Variants in F13A1 observed in about 807,000 individuals in gnomAD.
The protein encoded by F13A1 is FSF, A subunit.
A neutral mutation model predicts 80.1 loss-of-function variants in F13A1; 47 were observed. The ratio of observed to expected loss-of-function variants is 0.59; its 90% confidence interval spans 0.46 to 0.75. The LOEUF (loss-of-function observed/expected upper bound fraction) is 0.75, where lower values mean the gene tolerates loss of function less well. F13A1 is among the 30% of genes least tolerant of loss of function. F13A1 has a pLI of 0.00. For synonymous variants in F13A1, 349 were observed against 344.9 expected, an observed-to-expected ratio of 1.01 and a Z score of -0.13; for missense variants, 817 against 930.4, an observed-to-expected ratio of 0.88 and a Z score of 1.59.
Position 6,277,689 on chromosome 6 carries a change from C to T in F13A1, c.320-10880G>A, listed in dbSNP as rs1023045047. The stretch of plus-strand genomic sequence containing the variant: ...CTATCAACCATGGACTGGTTCTGGA[C>T]GATTTACCGAAGCTGCACACTACAA... On this transcript the variant is annotated intron_variant, in intron 3 of 14. Transcript: ENST00000264870. Among the ~76,000 whole-genome samples, 6 of 152,172 alleles carry T rather than the reference C, an allele frequency of 3.9e-5. No individual in the cohort carries two copies. The East Asian group carries it at 7.7e-4, about 20-fold the overall frequency.
intron 4 of F13A1, 99 bp from the exon 5 acceptor site, chr6:6,251,028 A>T: frequency 1.1e-6 from 1 of 946,524 alleles, no homozygotes; most frequent in Non-Finnish European, 1.7e-6. Context: ...ACTACATTTA[A>T]TCAGCCAAAT....
intron 3 of F13A1, among the ~76,000 whole-genome samples, chr6:6,302,362 C>T (rs1482800883): frequency 6.6e-6 from 1 of 152,078 alleles, no homozygotes; most frequent in African/African-American, 2.4e-5. Context: ...ATGGTACAGC[C>T]CACTACACAC....
chr6:6,193,355 G>A (rs1271172243), intron 10 of F13A1, among the ~76,000 whole-genome samples: 4 of 152,172 alleles, frequency 2.6e-5, no homozygotes, highest in African/African-American at 4.8e-5. Flanking sequence ...CAGCATGCTG[G>A]GAGGGAAGAG....
rs1229362760 is a variant in F13A1 at position 6,297,169 on chromosome 6, T to C, written c.319+8182A>G. On this transcript the variant is annotated intron_variant, in intron 3 of 14. Transcript: ENST00000264870. ...TTTGCCAGTATTTTACTGAGGATTT[T>C]TGCATCAATGTTCATCAAAGATATT... 3.3e-5 allele frequency among the ~76,000 whole-genome samples: 5 copies of C among 151,308 alleles called. 1 individual carries two copies. Among genetic ancestry groups the C allele is most frequent in the African/African-American group, 1.2e-4 (5 of 40,594 alleles).
rs781605523 is a variant in F13A1 at position 6,222,080 on chromosome 6, C to A, written c.1065G>T (p.Leu355=). ...NDANLQMDIF[L]EEDGNVNSKL... is the part of the protein sequence containing the mutation. ...TGGAATTCACGTTCCCATCTTCTTC[C>A]AGGAAGATGTCCATTTGCAAATTGG... Residue 355 remains leucine, a synonymous_variant, in exon 8 of 15, where the codon CTG becomes CTT. Transcript: ENST00000264870. 6.2e-7 allele frequency: 1 copy of A among 1,613,990 alleles called. No individual in the cohort carries two copies. The highest frequency in any genetic ancestry group is 1.7e-5 in the Admixed American group (1 of 60,010).
chr6:6,186,415 G>C (rs1006997058), intron 10 of F13A1, among the ~76,000 whole-genome samples: 6 of 152,282 alleles, frequency 3.9e-5, no homozygotes, highest in African/African-American at 1.4e-4. Flanking sequence ...TGTAAGGAAG[G>C]GATCCAGTTT....
Position 6,316,078 on chromosome 6 carries a change from CATATATATATATATATAT to C in F13A1, c.130+2439_130+2456del, listed in dbSNP as rs57716665. Among the ~76,000 whole-genome samples the C allele has an allele frequency of 8.7e-3, 302 of 34,904 alleles. 3 individuals are homozygous for C. The highest frequency in any genetic ancestry group is 9.7e-3 in the Non-Finnish European group (139 of 14,302). 22.9% of individuals were successfully genotyped at this position (34,904 alleles called of 152,430 possible). A position where few individuals can be genotyped will look rare whatever the true frequency, so the allele number is the denominator to read the frequency against. On this transcript the variant is annotated intron_variant, in intron 2 of 14. Transcript: ENST00000264870. ...GTTTGTGTGCTGCTATGTGTGTGTG[CATATATATATATATATAT>C]ATATATATATATATATATATATATA...
chr6:6,151,992 G>T (rs770699327), intron 13 of F13A1, 43 bp from the exon 14 acceptor site: 1 of 1,610,818 alleles, frequency 6.2e-7, no homozygotes, highest in Non-Finnish European at 8.5e-7. Context: ...ATAAAACCTC[G>T]TTCTGCTCTC....
intron 2 of F13A1, among the ~76,000 whole-genome samples, chr6:6,318,033 T>C (rs1320774387): frequency 1.3e-5 from 2 of 152,030 alleles, no homozygotes; most frequent in African/African-American, 4.8e-5. Context: ...TGGAGAGAAA[T>C]AGAGGGCTTC....
intron 10 of F13A1, among the ~76,000 whole-genome samples, chr6:6,186,995 G>A (rs1259617): frequency 8.8e-6 from 1 of 114,016 alleles, no homozygotes; most frequent in African/African-American, 3.6e-5. Context: ...AATTGTGAAT[G>A]GGAGTTCACT....
intron 5 of F13A1, among the ~76,000 whole-genome samples, chr6:6,249,043 T>C (rs3024391): frequency 0.72 from 109,327 of 152,130 alleles, 40,359 homozygotes; most frequent in African/African-American, 0.9. Context: ...AGTTCAGTCT[T>C]CTTAGAAAGA....
At chr6:6,313,363 C>T (rs1296971022) in intron 2 of F13A1, among the ~76,000 whole-genome samples, 2 of 150,566 alleles carry the variant, frequency 1.3e-5, no homozygotes, top group African/African-American at 2.5e-5. Context: ...AAACTGTCTA[C>T]CTAACACAAT....
intron 12 of F13A1, among the ~76,000 whole-genome samples, chr6:6,170,485 G>A (rs929558449): frequency 2.0e-5 from 3 of 152,206 alleles, no homozygotes; most frequent in Non-Finnish European, 2.9e-5. Context: ...TTTATTAAAC[G>A]TGGCAGGAGA....
intron 11 of F13A1, among the ~76,000 whole-genome samples, chr6:6,175,223 G>A (rs1760861361): frequency 6.6e-6 from 1 of 152,166 alleles, no homozygotes; most frequent in Non-Finnish European, 1.5e-5. Context: ...CCAGCCATGT[G>A]GCTAGAATTT....
intron 6 of F13A1, among the ~76,000 whole-genome samples, chr6:6,233,955 A>ATGCTGTCC (rs1757384238): frequency 6.6e-6 from 1 of 152,162 alleles, no homozygotes; most frequent in South Asian, 2.1e-4. Flanking sequence ...ACCTTAATGT[A>ATGCTGTCC]ATAAAAGCCA....
At chr6:6,280,457 T>C (rs1758045155) in intron 3 of F13A1, among the ~76,000 whole-genome samples, 4 of 152,208 alleles carry the variant, frequency 2.6e-5, no homozygotes, top group African/African-American at 9.7e-5. Flanking sequence ...TGTTTATTCA[T>C]ATGTATATTT....
At position 6,210,384 on chromosome 6, in the gene F13A1, G is replaced by A. The variant is rs1040675966; in HGVS notation, c.1112+11649C>T. On this transcript the variant is annotated intron_variant, in intron 8 of 14. Transcript: ENST00000264870. Reference sequence around the variant, plus strand: ...TTTTTAGAGGCAGTCTTGCTCTGTCGCCCAGGCTGAAGTGCAGTGGCACGA... The same window carrying A: ...TTTTTAGAGGCAGTCTTGCTCTGTCACCCAGGCTGAAGTGCAGTGGCACGA... 4.2e-3 allele frequency among the ~76,000 whole-genome samples: 345 copies of A among 81,486 alleles called. 3 individuals carry two copies. Among genetic ancestry groups the A allele is most frequent in the African/African-American group, 0.016 (312 of 18,910 alleles). The allele number at this position is 81,486 out of a possible 152,430, so 53.5% of individuals were successfully genotyped here. A position where few individuals can be genotyped will look rare whatever the true frequency, so the allele number is the denominator to read the frequency against.
intron 2 of F13A1, among the ~76,000 whole-genome samples, chr6:6,307,210 T>C (rs17378819): frequency 0.16 from 24,385 of 152,092 alleles, 2,306 homozygotes; most frequent in Non-Finnish European, 0.22. Context: ...GTGACAGCCA[T>C]TTCACAGGGC....
At chr6:6,198,532 T>C (rs1183315959) in intron 8 of F13A1, among the ~76,000 whole-genome samples, 1 of 152,234 alleles carries the variant, frequency 6.6e-6, no homozygotes, top group Non-Finnish European at 1.5e-5. Context: ...TGCTCCCATC[T>C]TTCTCTGAGT....
Sources: allele counts gnomAD v4.1 joint callset (sites outside exome capture counted in the v4.1 genomes callset), GRCh38; gene constraint gnomAD v4.1.1; transcripts MANE v1.5; gene names NCBI Gene and HGNC (gene_info 2026-07-23, HGNC 2026-07-21).